Variants in MYO19 observed in about 807,000 individuals in gnomAD.
MYO19 encodes the protein myosin XIX.
Under a neutral mutation model 129.2 loss-of-function variants are expected in MYO19, and 132 were observed. That is an observed-to-expected ratio of 1.02 (90% confidence interval 0.89 to 1.18). The LOEUF (loss-of-function observed/expected upper bound fraction) is 1.18. Among genes scored for constraint, MYO19 ranks in the 50% most tolerant of loss-of-function variants. MYO19 has a pLI of 0.00. For synonymous variants in MYO19, 531 were observed against 477.2 expected (o/e 1.11, Z -1.47); for missense variants, 1,210 against 1,216.7 (o/e 0.99, Z 0.08).
In MYO19 at chr17:36,500,900, C is replaced by G. The variant is rs1466263258; in HGVS notation, c.2307G>C (p.Gln769His). The G allele has an allele frequency of 6.2e-7, 1 of 1,609,058 alleles. No homozygotes were observed. The highest frequency in any genetic ancestry group is 1.1e-5 in the South Asian group (1 of 90,926). The change falls in exon 23 of 26, where the codon CAG becomes CAC. Residue 769 changes from glutamine to histidine, a missense_variant. Coordinates refer to ENST00000614623, the MANE Select transcript of MYO19 (RefSeq NM_001163735.2). The stretch of plus-strand genomic sequence containing the variant: ...GGTGCCGGTGTCGCCTCCAGCCACC[C>G]TGGATGCAGCGGGCACACTGCTCCA... The part of the protein sequence containing the change: ...RVLEQCARCI[Q>H]GGWRRHRHRE...
In MYO19 at chr17:36,511,254, A is replaced by AT. The variant is rs1254032802; in HGVS notation, c.985+110dup. 2.5e-6 allele frequency: 3 copies of AT among 1,200,646 alleles called. No homozygotes were observed. The African/African-American group carries it at 4.5e-5, about 18-fold the overall frequency. 74.4% of individuals were successfully genotyped at this position (1,200,646 alleles called of 1,614,324 possible). On this transcript the variant is annotated intron_variant, in intron 12 of 25. Transcript: ENST00000614623. ...AGGGCCAGGCCCTATGGTGGGTGGC[A>AT]TAAGCAAGGGCATCAGATTCCAATT...
rs775184597 is a variant in MYO19, at chr17:36,498,520, C to T, written c.2503G>A (p.Val835Met). ...GCTTGAGAGAAGTGTTTTTCTTCCA[C>T]ACCATCCAGCTCTTTAGCAGCAAGG... ...ACLAAKELDG[V>M]EEKHFSQAPC... The change falls in exon 25 of 26, where the codon GTG becomes ATG. Residue 835 changes from valine (V) to methionine (M), a missense_variant. Coordinates refer to ENST00000614623, the MANE Select transcript of MYO19 (RefSeq NM_001163735.2). 1.9e-6 allele frequency: 3 copies of T among 1,613,918 alleles called. No individual in the cohort carries two copies. The highest frequency in any genetic ancestry group is 1.3e-5 in the African/African-American group (1 of 75,060).
At chr17:36,534,968 C>T (rs2074047074), upstream of MYO19, 1 of 152,388 alleles carries the variant, frequency 6.6e-6, no homozygotes, top group Non-Finnish European at 1.5e-5. Flanking sequence ...GCCGGCTCCT[C>T]CCTAGGGGCG....
upstream of MYO19, chr17:36,537,249 T>C: frequency 1.2e-6 from 2 of 1,614,156 alleles, no homozygotes; most frequent in Non-Finnish European, 1.7e-6. Context: ...GTGTTCTTTT[T>C]CACCTACCTG....
rs773488388 is a variant in MYO19, at chr17:36,498,288, G to GT, written c.2734dup (p.Thr912AsnfsTer24). 4 of 1,612,726 alleles carry GT rather than the reference G, an allele frequency of 2.5e-6. No individual in the cohort carries two copies. The South Asian group carries it at 3.3e-5, about 13-fold the overall frequency. ...TACCTGAGGCAGCGCTCGGATGGAC[G>GT]TGACACCAGCCTGGTCTTGTGCTGT... On this transcript the variant is annotated frameshift_variant, in exon 25 of 26. Coordinates refer to ENST00000614623, the MANE Select transcript of MYO19 (RefSeq NM_001163735.2). LOFTEE classifies it high-confidence loss of function.
chr17:36,501,572 G>A (rs2142815276), intron 21 of MYO19: 1 of 222,378 alleles, frequency 4.5e-6, no homozygotes, highest in East Asian at 9.8e-5. Context: ...TGGAATCCCA[G>A]GCTGCTCAGC....
chr17:36,498,194 G>C (rs1008823477), intron 25 of MYO19, 72 bp downstream of exon 25: 24 of 1,517,608 alleles, frequency 1.6e-5, no homozygotes, highest in Admixed American at 1.4e-4. Flanking sequence ...TCTCATTCCC[G>C]CTGTGAACTT....
At chr17:36,516,126 A>C in intron 6 of MYO19, 136 bp from the exon 7 acceptor site, 1 of 1,047,416 alleles carries the variant, frequency 9.5e-7, no homozygotes. Flanking sequence ...GCAGAATTCA[A>C]CCCTGGCCTC....
chr17:36,500,796 G>C (rs1309338303), intron 23 of MYO19, 34 bp downstream of exon 23: 1 of 1,580,666 alleles, frequency 6.3e-7, no homozygotes, highest in Non-Finnish European at 8.6e-7. Flanking sequence ...TGTGGGGTCT[G>C]TGAGCAGTGC....
At chr17:36,532,705 G>C in intron 2 of MYO19, 24 bp from the exon 3 acceptor site, 1 of 797,260 alleles carries the variant, frequency 1.3e-6, no homozygotes, top group South Asian at 1.6e-5. Flanking sequence ...GAGAAGACAA[G>C]GACCACACAC....
intron 3 of MYO19, among the ~76,000 whole-genome samples, chr17:36,529,450 T>C (rs1396341623): frequency 1.3e-5 from 2 of 152,148 alleles, no homozygotes; most frequent in African/African-American, 4.8e-5. Context: ...AAATGTGCTT[T>C]TGAAGGAAGA....
upstream of MYO19, among the ~76,000 whole-genome samples, chr17:36,543,922 C>G (rs181250138): frequency 1.3e-5 from 2 of 152,202 alleles, no homozygotes; most frequent in Non-Finnish European, 2.9e-5. Flanking sequence ...CCACCATGCC[C>G]GACCCAAAAT....
chr17:36,503,019 T>A (rs2071636470), intron 21 of MYO19, 78 bp downstream of exon 21: 5 of 1,246,072 alleles, frequency 4.0e-6, no homozygotes, highest in Non-Finnish European at 4.7e-6. Flanking sequence ...CCCCAGCCCC[T>A]AGCCCTAAGA....
At chr17:36,511,586 T>C in intron 11 of MYO19, 131 bp from the exon 12 acceptor site, 1 of 766,798 alleles carries the variant, frequency 1.3e-6, no homozygotes, top group Non-Finnish European at 2.2e-6. Context: ...AGTGCCCATC[T>C]CTGCCAGACA....
rs903316766 is a variant in MYO19 at position 36,506,387 on chromosome 17, G to A, written c.1797+69C>T. 4 of 1,597,180 alleles carry A rather than the reference G, an allele frequency of 2.5e-6. No individual in the cohort carries two copies. In the African/African-American group the frequency reaches 4.1e-5, roughly 16 times the overall value. The stretch of plus-strand genomic sequence containing the variant: ...CAACAAACAGCACCGATCCCGGCAG[G>A]TGCTCAATAAATATTTGTGAGACCG... On this transcript the variant is annotated intron_variant, in intron 18 of 25. Transcript: ENST00000614623.
At chr17:36,498,879 C>T in intron 24 of MYO19, 196 bp downstream of exon 24, 1 of 596,882 alleles carries the variant, frequency 1.7e-6, no homozygotes, top group Admixed American at 2.9e-5. Context: ...TTATACCACT[C>T]TTCACCTACA....
At chr17:36,507,770 A>G (rs763166992) in intron 15 of MYO19, 33 bp downstream of exon 15, 26 of 1,560,564 alleles carry the variant, frequency 1.7e-5, no homozygotes, top group Non-Finnish European at 2.1e-5. Context: ...GATCCAAAAG[A>G]AGGACCTGCC....
intron 2 of MYO19, among the ~76,000 whole-genome samples, chr17:36,540,940 T>C (rs540225780): frequency 6.6e-6 from 1 of 152,268 alleles, no homozygotes; most frequent in African/African-American, 2.4e-5. Flanking sequence ...GAACATAATC[T>C]GTCCAGGACC....
At chr17:36,512,236 C>CACAA (rs1334915091) in intron 11 of MYO19, among the ~76,000 whole-genome samples, 1 of 142,162 alleles carries the variant, frequency 7.0e-6, no homozygotes, top group Admixed American at 7.0e-5. Flanking sequence ...CACACACACA[C>CACAA]AAAATTAGCT....
Sources: gnomAD v4.1 joint callset for allele counts (sites outside exome capture counted in the v4.1 genomes callset) on GRCh38, gnomAD v4.1.1 for gene constraint, MANE v1.5 for transcripts, NCBI Gene and HGNC (gene_info 2026-07-23, HGNC 2026-07-21) for gene names.